The following CR1 variants were observed in gnomAD, a reference collection of about 807,000 sequenced individuals.
CR1 encodes complement C3b/C4b receptor 1 (Knops blood group).
A neutral mutation model predicts 187.3 loss-of-function variants in CR1; 116 were observed. The ratio of observed to expected loss-of-function variants is 0.62; its 90% CI spans 0.53 to 0.72. CR1 has a LOEUF of 0.72. CR1 is among the 30% of genes least tolerant of loss of function. CR1 has a pLI of 0.00. For missense variants in CR1, 1,731 were observed against 2,110.7 expected, an observed-to-expected ratio of 0.82 and a Z score of 3.52; for synonymous variants, 576 against 747.1, an observed-to-expected ratio of 0.77 and a Z score of 3.73.
chr1:207,618,526 G>C (rs1330002400), intron 42 of CR1, among the ~76,000 whole-genome samples: 4 of 152,050 alleles, frequency 2.6e-5, no homozygotes, highest in African/African-American at 7.2e-5. Context: ...TTTTAAAGTG[G>C]GGTCAAAAGT....
chr1:207,615,384 GA>G (rs1662062625), intron 40 of CR1, among the ~76,000 whole-genome samples: 1 of 152,120 alleles, frequency 6.6e-6, no homozygotes, highest in African/African-American at 2.4e-5. Context: ...GGATGTTATG[GA>G]GAAAATAAAA....
chr1:207,566,245 T>C (rs1290462789), intron 24 of CR1, among the ~76,000 whole-genome samples: 1 of 150,002 alleles, frequency 6.7e-6, no homozygotes, highest in Non-Finnish European at 1.5e-5. Flanking sequence ...CTTTTTTCTC[T>C]TCCTTCCATC....
In CR1 at chr1:207,630,519, A is replaced by G. The variant is rs777224485; in HGVS notation, c.7355A>G (p.Asn2452Ser). Residue 2452 changes from asparagine (N) to serine (S), a missense_variant and splice_region_variant, in exon 46 of 47, where the codon AAT becomes AGT. This residue lies in a region of CR1 where 1,312 missense variants were observed against 1,379.6 expected (regional missense o/e 0.95). Transcript: ENST00000367049. ...CTATTTTTTTCTCTGCCAATTAGCAATAATGCACATGAAAACCCTAAAGAA... is the reference window on the plus strand; with the variant it reads ...CTATTTTTTTCTCTGCCAATTAGCAGTAATGCACATGAAAACCCTAAAGAA... ...SWIILKHRKGNNAHENPKEVA... is the reference protein window; with the variant it reads ...SWIILKHRKGSNAHENPKEVA... The G allele has an allele frequency of 6.3e-7, 1 of 1,596,276 alleles. No homozygotes were observed. The highest frequency in any genetic ancestry group is 8.5e-7 in the Non-Finnish European group (1 of 1,171,354).
At chr1:207,589,861 G>C (rs1040103454) in intron 35 of CR1, among the ~76,000 whole-genome samples, 1 of 152,134 alleles carries the variant, frequency 6.6e-6, no homozygotes. Flanking sequence ...TGAAACAAAG[G>C]ATATCAGAGA....
intron 34 of CR1, 80 bp from the exon 35 acceptor site, chr1:207,588,595 A>G: frequency 1.1e-6 from 1 of 890,118 alleles, no homozygotes; most frequent in East Asian, 2.6e-5. Context: ...TATGCTGTTT[A>G]GTATGCCACA....
At chr1:207,610,214 A>G (rs1416240364) in intron 37 of CR1, among the ~76,000 whole-genome samples, 1 of 152,186 alleles carries the variant, frequency 6.6e-6, no homozygotes, top group African/African-American at 2.4e-5. Context: ...TGTTTTGCTC[A>G]AATCCAAACA....
chr1:207,565,105 G>A (rs1029342317), intron 23 of CR1, among the ~76,000 whole-genome samples: 1 of 149,778 alleles, frequency 6.7e-6, no homozygotes, highest in Non-Finnish European at 1.5e-5. Context: ...TCCATCTAGT[G>A]CTCTTCACAG....
At chr1:207,591,839 A>T (rs1438238617) in intron 35 of CR1, among the ~76,000 whole-genome samples, 2 of 152,220 alleles carry the variant, frequency 1.3e-5, no homozygotes, top group South Asian at 4.1e-4. Flanking sequence ...AAACTAGAAA[A>T]TCTAGAAGAA....
intron 4 of CR1, among the ~76,000 whole-genome samples, chr1:207,515,165 ATATAGG>A (rs1175762467): frequency 1.1e-4 from 2 of 17,792 alleles, no homozygotes; most frequent in Non-Finnish European, 1.4e-4. Flanking sequence ...ACATATACAT[ATATAGG>A]TATATACATA....
chr1:207,523,737 T>C lies in CR1; in HGVS notation c.614T>C (p.Phe205Ser). 6.2e-7 allele frequency: 1 copy of C among 1,612,440 alleles called. No individual in the cohort carries two copies. The highest frequency in any genetic ancestry group is 8.5e-7 in the Non-Finnish European group (1 of 1,179,824). Reference sequence around the variant, plus strand: ...CCTGGAAGCGGAGGGAGAAAGGTGTTTGAGCTTGTGGGTGAGCCCTCCATA... The same window carrying C: ...CCTGGAAGCGGAGGGAGAAAGGTGTCTGAGCTTGTGGGTGAGCCCTCCATA... Reference protein sequence around the residue: ...CNPGSGGRKVFELVGEPSIYC... With the variant: ...CNPGSGGRKVSELVGEPSIYC... Residue 205 changes from phenylalanine to serine, a missense_variant, in exon 5 of 47, where the codon TTT becomes TCT. Physicochemically the swap from Phe to Ser is radical, Grantham distance 155. Transcript: ENST00000367049.
At chr1:207,599,948 A>T (rs1661555985) in intron 35 of CR1, among the ~76,000 whole-genome samples, 2 of 152,238 alleles carry the variant, frequency 1.3e-5, no homozygotes, top group Non-Finnish European at 2.9e-5. Flanking sequence ...TAAGGAGTAG[A>T]TGTTAACCTG....
intron 45 of CR1, among the ~76,000 whole-genome samples, chr1:207,625,227 C>T (rs1558278141): frequency 6.6e-6 from 1 of 152,114 alleles, no homozygotes; most frequent in Non-Finnish European, 1.5e-5. Flanking sequence ...TCATGTTTTC[C>T]ATCTCGTAAA....
intron 45 of CR1, among the ~76,000 whole-genome samples, chr1:207,624,562 A>G (rs1255284662): frequency 6.6e-6 from 1 of 152,230 alleles, no homozygotes; most frequent in Non-Finnish European, 1.5e-5. Context: ...AGTTTGTCAT[A>G]GTAGATCTTG....
chr1:207,567,895 T>C lies in CR1; in HGVS notation c.4024T>C (p.Phe1342Leu), dbSNP rs781087630. 1 of 1,610,928 alleles carries C rather than the reference T, an allele frequency of 6.2e-7. No individual in the cohort carries two copies. Among genetic ancestry groups the C allele is most frequent in the Non-Finnish European group, 8.5e-7 (1 of 1,179,634 alleles). ...HTGKPLEVFP[F>L]GKAVNYTCDP... Reference sequence around the variant, plus strand: ...AGGAAAACCTCTGGAAGTCTTTCCCTTTGGAAAAGCAGTAAATTACACATG... The same window carrying C: ...AGGAAAACCTCTGGAAGTCTTTCCCCTTGGAAAAGCAGTAAATTACACATG... The change falls in exon 25 of 47, where the codon TTT becomes CTT. Residue 1342 changes from phenylalanine (F) to leucine (L), a missense_variant. By Grantham distance (22) the Phe-to-Leu change is conservative. Around this residue, in one of 5 missense-constraint regions of CR1, gnomAD observed 1,312 missense variants for 1,379.6 expected, o/e 0.95. Coordinates refer to ENST00000367049, the MANE Select transcript of CR1 (RefSeq NM_000651.6).
intron 2 of CR1, 139 bp downstream of exon 2, chr1:207,506,222 G>C (rs1025950505): frequency 3.0e-6 from 3 of 1,013,374 alleles, no homozygotes; most frequent in African/African-American, 3.3e-5. Context: ...TATTCTTGTA[G>C]ATCATACCTT....
chr1:207,605,350 C>CAT (rs1045158015), intron 35 of CR1, among the ~76,000 whole-genome samples: 15 of 151,352 alleles, frequency 9.9e-5, no homozygotes, highest in Admixed American at 3.3e-4. Flanking sequence ...CACACACACA[C>CAT]ACACACACAC....
chr1:207,505,955 C>A lies in CR1; in HGVS notation c.173C>A (p.Thr58Asn), dbSNP rs767183179. Residue 58 changes from threonine to asparagine, a missense_variant, in exon 2 of 47, where the codon ACT becomes AAT. Physicochemically the swap from Thr to Asn is moderately conservative, Grantham distance 65. This residue lies in a region of CR1 where 237 missense variants were observed against 240.4 expected (regional missense o/e 0.99). Transcript: ENST00000367049. ...CCATTTGCCAGGCCTACCAACCTAA[C>A]TGATGAATTTGAGTTTCCCATTGGG... ...WLPFARPTNL[T>N]DEFEFPIGTY... The A allele has an allele frequency of 1.9e-6, 3 of 1,613,868 alleles. No individual in the cohort carries two copies. The African/African-American group carries it at 4.0e-5, about 22-fold the overall frequency.
At chr1:207,626,456 C>T (rs887610856) in intron 45 of CR1, among the ~76,000 whole-genome samples, 1 of 152,142 alleles carries the variant, frequency 6.6e-6, no homozygotes, top group African/African-American at 2.4e-5. Flanking sequence ...GGAGCTCAAG[C>T]TTTCCTCACA....
chr1:207,623,396 A>G (rs529063994), intron 45 of CR1, among the ~76,000 whole-genome samples: 1 of 152,320 alleles, frequency 6.6e-6, no homozygotes, highest in Non-Finnish European at 1.5e-5. Context: ...AACTTGGGCA[A>G]CATGGTAAAA....
Sources: gnomAD v4.1 joint callset for allele counts (sites outside exome capture counted in the v4.1 genomes callset) on GRCh38, gnomAD v4.1.1 for gene constraint, gnomAD v4.1.1 regional missense constraint, MANE v1.5 for transcripts, NCBI Gene and HGNC (gene_info 2026-07-23, HGNC 2026-07-21) for gene names.